Variants in FOXO3 observed in about 807,000 individuals in gnomAD.
FOXO3 encodes the protein forkhead box O3.
Under a neutral mutation model 41.9 loss-of-function variants are expected in FOXO3, and 4 were observed. That is an observed-to-expected ratio of 0.10 (90% CI 0.05 to 0.22). FOXO3 has a LOEUF of 0.22. FOXO3 is among the 10% of genes least tolerant of loss of function. The pLI is 1.00. For missense variants in FOXO3, 534 were observed against 906.8 expected (o/e 0.59, Z 5.28); for synonymous variants, 318 against 389.3 (o/e 0.82, Z 2.16).
intron 1 of FOXO3, among the ~76,000 whole-genome samples, chr6:108,584,027 T>C (rs1486248050): frequency 6.6e-6 from 1 of 152,188 alleles, no homozygotes; most frequent in Non-Finnish European, 1.5e-5. Flanking sequence ...AAAGTATACA[T>C]GTCCAGGGCT....
chr6:108,605,768 G>C (rs1245845121), intron 1 of FOXO3, among the ~76,000 whole-genome samples: 1 of 152,204 alleles, frequency 6.6e-6, no homozygotes, highest in Non-Finnish European at 1.5e-5. Context: ...CAAGGGAACA[G>C]GCCAGGAGGC....
At chr6:108,647,416 C>T (rs1225274359) in intron 1 of FOXO3, among the ~76,000 whole-genome samples, 1 of 152,126 alleles carries the variant, frequency 6.6e-6, no homozygotes, top group African/African-American at 2.4e-5. Context: ...TAATTTACTC[C>T]TGGATGCCTG....
In FOXO3 at chr6:108,672,285, CT is replaced by C. The variant is rs113612783; in HGVS notation, c.*34+7398del. ...TCTCCCCAGAGCTGGTGGTTTATCG[CT>C]TATTAGTTACTGTGATACAATTTGA... On this transcript the variant is annotated intron_variant, in intron 2 of 2. Coordinates refer to ENST00000406360, the MANE Select transcript of FOXO3 (RefSeq NM_001455.4). Among the ~76,000 whole-genome samples, 107 of 152,302 alleles carry C rather than the reference CT, an allele frequency of 7.0e-4. 1 individual carries two copies. Among genetic ancestry groups the C allele is most frequent in the African/African-American group, 2.4e-3 (99 of 41,578 alleles).
chr6:108,667,741 G>C (rs1779104691), intron 2 of FOXO3, among the ~76,000 whole-genome samples: 1 of 152,180 alleles, frequency 6.6e-6, no homozygotes, highest in South Asian at 2.1e-4. Flanking sequence ...CTTCGCCTCA[G>C]AATATTTTGG....
intron 2 of FOXO3, among the ~76,000 whole-genome samples, chr6:108,676,737 C>G (rs533958613): frequency 1.3e-5 from 2 of 152,226 alleles, no homozygotes; most frequent in Non-Finnish European, 2.9e-5. Flanking sequence ...GGTTTCATCA[C>G]TTAATATGCT....
At chr6:108,637,955 A>G (rs1301267244) in intron 1 of FOXO3, among the ~76,000 whole-genome samples, 1 of 152,242 alleles carries the variant, frequency 6.6e-6, no homozygotes, top group Non-Finnish European at 1.5e-5. Context: ...TAGAACAGGA[A>G]AGAAAATTGT....
intron 1 of FOXO3, among the ~76,000 whole-genome samples, chr6:108,628,207 C>T (rs1364462430): frequency 6.6e-6 from 1 of 152,174 alleles, no homozygotes; most frequent in Non-Finnish European, 1.5e-5. Context: ...GGTTCTCCCT[C>T]CACAGAGATA....
At chr6:108,645,911 T>C (rs1310129784) in intron 1 of FOXO3, among the ~76,000 whole-genome samples, 1 of 152,214 alleles carries the variant, frequency 6.6e-6, no homozygotes, top group East Asian at 1.9e-4. Flanking sequence ...GGAGGGCATG[T>C]CAGTAAAATT....
At chr6:108,674,145 C>T (rs1278489392) in intron 2 of FOXO3, among the ~76,000 whole-genome samples, 1 of 152,154 alleles carries the variant, frequency 6.6e-6, no homozygotes, top group Non-Finnish European at 1.5e-5. Flanking sequence ...TAAAGTACTG[C>T]AAATCCTAGG....
intron 1 of FOXO3, among the ~76,000 whole-genome samples, chr6:108,580,183 ATTT>A (rs11395032): frequency 1.1e-5 from 1 of 93,072 alleles, no homozygotes; most frequent in Non-Finnish European, 1.9e-5. Context: ...GCTCTTCTTC[ATTT>A]TTTTTTTTTT....
At chr6:108,603,453 T>C (rs1056383936) in intron 1 of FOXO3, among the ~76,000 whole-genome samples, 5 of 152,240 alleles carry the variant, frequency 3.3e-5, no homozygotes, top group African/African-American at 1.2e-4. Flanking sequence ...ATGAAAACTT[T>C]TCACTTTCTC....
intron 1 of FOXO3, among the ~76,000 whole-genome samples, chr6:108,569,736 T>C (rs547792560): frequency 2.2e-3 from 331 of 152,032 alleles, no homozygotes; most frequent in Non-Finnish European, 3.3e-3. Flanking sequence ...AGGACTGCAG[T>C]GGAGAGGTGA....
chr6:108,660,201 C>G (rs1288071353), intron 1 of FOXO3, among the ~76,000 whole-genome samples: 5 of 152,100 alleles, frequency 3.3e-5, no homozygotes, highest in African/African-American at 1.2e-4. Context: ...AATTGTAGAT[C>G]CACCTGTACT....
chr6:108,656,954 A>G (rs1322711585), intron 1 of FOXO3, among the ~76,000 whole-genome samples: 1 of 152,262 alleles, frequency 6.6e-6, no homozygotes, highest in Non-Finnish European at 1.5e-5. Context: ...AAGGTGGACC[A>G]AACAAAGGAA....
chr6:108,578,442 C>T (rs1328852769), intron 1 of FOXO3, among the ~76,000 whole-genome samples: 1 of 152,164 alleles, frequency 6.6e-6, no homozygotes, highest in Non-Finnish European at 1.5e-5. Flanking sequence ...AAAGCTCTAG[C>T]CCCTTGAGTA....
intron 1 of FOXO3, among the ~76,000 whole-genome samples, chr6:108,566,051 C>A (rs577930662): frequency 6.6e-6 from 1 of 152,242 alleles, no homozygotes; most frequent in African/African-American, 2.4e-5. Flanking sequence ...GTGTCTTCGT[C>A]AGTGATTCTC....
At chr6:108,606,150 C>G (rs562141632) in intron 1 of FOXO3, among the ~76,000 whole-genome samples, 1 of 152,174 alleles carries the variant, frequency 6.6e-6, no homozygotes, top group Non-Finnish European at 1.5e-5. Flanking sequence ...GGTTTGAAGA[C>G]TGGAATTCTG....
intron 2 of FOXO3, among the ~76,000 whole-genome samples, chr6:108,678,602 T>A (rs1770713378): frequency 1.3e-5 from 2 of 152,082 alleles, no homozygotes; most frequent in African/African-American, 4.8e-5. Context: ...TTTGTGCCTT[T>A]CCATTGAAGA....
chr6:108,625,050 G>A (rs933944742), intron 1 of FOXO3, among the ~76,000 whole-genome samples: 3 of 152,096 alleles, frequency 2.0e-5, no homozygotes, highest in Non-Finnish European at 2.9e-5. Context: ...CCAAGCAGCC[G>A]GAATTATAGG....
Sources: allele counts gnomAD v4.1 joint callset (sites outside exome capture counted in the v4.1 genomes callset), GRCh38; gene constraint gnomAD v4.1.1; transcripts MANE v1.5; gene names NCBI Gene and HGNC (gene_info 2026-07-23, HGNC 2026-07-21).